Variants in STXBP5L observed in about 807,000 individuals in gnomAD.
STXBP5L encodes syntaxin-binding protein 5-like.
STXBP5L carries 65 observed loss-of-function variants against 144.5 expected under a neutral mutation model. The observed-to-expected ratio is 0.45, with a 90% CI of 0.37 to 0.55. The LOEUF is 0.55. Ranked by LOEUF, STXBP5L falls within the 20% of genes least tolerant of loss-of-function variation. STXBP5L has a pLI of 0.00. For synonymous variants in STXBP5L, 505 were observed against 469.6 expected (o/e 1.08, Z -0.97); for missense variants, 1,298 against 1,405.5 (o/e 0.92, Z 1.22).
intron 22 of STXBP5L, among the ~76,000 whole-genome samples, chr3:121,388,326 A>C (rs2046482036): frequency 1.3e-5 from 2 of 152,208 alleles, no homozygotes; most frequent in Admixed American, 1.3e-4. Context: ...CTAAATATAC[A>C]ATCATGTCAT....
intron 3 of STXBP5L, among the ~76,000 whole-genome samples, chr3:120,996,677 T>A (rs1943374911): frequency 6.6e-6 from 1 of 152,194 alleles, no homozygotes; most frequent in Non-Finnish European, 1.5e-5. Flanking sequence ...TCAACTTTTT[T>A]AGATTTCACA....
chr3:121,013,438 A>G lies in STXBP5L; in HGVS notation c.288-28262A>G, dbSNP rs148507449. ...TGTGGTTTTAATTTGCATCTTTCTG[A>G]TGATTAGTGATGTTGAGCATTTTTT... On this transcript the variant is annotated intron_variant, in intron 3 of 26. Coordinates refer to ENST00000471454, the MANE Select transcript of STXBP5L (RefSeq NM_001308330.2). Among the ~76,000 whole-genome samples the G allele has an allele frequency of 3.1e-3, 464 of 152,076 alleles. 3 individuals carry two copies. The highest frequency in any genetic ancestry group is 0.01 in the African/African-American group (433 of 41,538).
At chr3:121,355,987 G>C (rs1022426435) in intron 20 of STXBP5L, among the ~76,000 whole-genome samples, 1 of 152,206 alleles carries the variant, frequency 6.6e-6, no homozygotes, top group African/African-American at 2.4e-5. Context: ...AGGCCCACTC[G>C]AGACCCTGTT....
At chr3:121,029,688 A>G (rs1026790233) in intron 3 of STXBP5L, among the ~76,000 whole-genome samples, 1 of 152,160 alleles carries the variant, frequency 6.6e-6, no homozygotes, top group Admixed American at 6.5e-5. Flanking sequence ...AATGGGATCT[A>G]ATTAAACTAA....
At chr3:120,973,910 A>G (rs1274403419) in intron 3 of STXBP5L, among the ~76,000 whole-genome samples, 2 of 152,180 alleles carry the variant, frequency 1.3e-5, no homozygotes, top group African/African-American at 4.8e-5. Context: ...CATGGTGTAT[A>G]TATGCCACAT....
intron 22 of STXBP5L, among the ~76,000 whole-genome samples, chr3:121,386,354 G>A (rs2046425489): frequency 6.6e-6 from 1 of 152,084 alleles, no homozygotes; most frequent in African/African-American, 2.4e-5. Context: ...TAGGATAACA[G>A]CCTCCAGCTG....
intron 3 of STXBP5L, among the ~76,000 whole-genome samples, chr3:121,036,537 A>G (rs910679101): frequency 6.6e-5 from 10 of 152,168 alleles, no homozygotes; most frequent in African/African-American, 1.4e-4. Flanking sequence ...AGAAATAATG[A>G]TAGATGATTC....
chr3:121,204,400 T>G (rs2048257038), intron 9 of STXBP5L, among the ~76,000 whole-genome samples: 1 of 152,178 alleles, frequency 6.6e-6, no homozygotes, highest in African/African-American at 2.4e-5. Flanking sequence ...ATTATTTTTT[T>G]CTTCTTTAGT....
At chr3:120,962,561 A>C (rs1055010150) in intron 3 of STXBP5L, among the ~76,000 whole-genome samples, 12 of 152,188 alleles carry the variant, frequency 7.9e-5, no homozygotes, top group East Asian at 5.8e-4. Context: ...TGTTTTTGTC[A>C]GATTTGTCAA....
intron 9 of STXBP5L, among the ~76,000 whole-genome samples, chr3:121,181,014 C>G (rs1260447195): frequency 6.6e-6 from 1 of 151,554 alleles, no homozygotes; most frequent in Non-Finnish European, 1.5e-5. Context: ...AACAGTACCT[C>G]ACATCTCAGT....
At chr3:121,258,128 T>A (rs978865479) in intron 17 of STXBP5L, among the ~76,000 whole-genome samples, 1 of 152,174 alleles carries the variant, frequency 6.6e-6, no homozygotes, top group Non-Finnish European at 1.5e-5. Flanking sequence ...ATTTGCATCA[T>A]GTTCAATAAA....
chr3:120,979,561 G>C (rs183646615), intron 3 of STXBP5L, among the ~76,000 whole-genome samples: 21 of 152,222 alleles, frequency 1.4e-4, no homozygotes, highest in African/African-American at 4.8e-4. Context: ...CCACTGTCCT[G>C]CACCCACTGT....
At chr3:121,356,235 C>A (rs2045508916) in intron 20 of STXBP5L, among the ~76,000 whole-genome samples, 1 of 152,252 alleles carries the variant, frequency 6.6e-6, no homozygotes, top group Non-Finnish European at 1.5e-5. Context: ...AGCTATCAGA[C>A]AGGGACATTT....
chr3:121,184,600 G>T lies in STXBP5L; in HGVS notation c.878-21323G>T, dbSNP rs553816340. ...AAATCTACATTTGATTGGTGTACCT[G>T]AAAGTGATGGGGAGAATGGAACCAA... On this transcript the variant is annotated intron_variant, in intron 9 of 26. Coordinates refer to ENST00000471454, the MANE Select transcript of STXBP5L (RefSeq NM_001308330.2). Among the ~76,000 whole-genome samples the T allele has an allele frequency of 4.3e-3, 654 of 152,224 alleles. 6 individuals carry two copies. Among genetic ancestry groups the T allele is most frequent in the African/African-American group, 0.015 (614 of 41,534 alleles).
chr3:121,024,890 C>T (rs1406713384), intron 3 of STXBP5L, among the ~76,000 whole-genome samples: 1 of 152,140 alleles, frequency 6.6e-6, no homozygotes, highest in African/African-American at 2.4e-5. Context: ...CTACTTCTAT[C>T]ATGCCCTGGT....
chr3:121,412,727 C>CAAAAAAAAAAAAA (rs35247157), intron 23 of STXBP5L, among the ~76,000 whole-genome samples: 69 of 69,600 alleles, frequency 9.9e-4, no homozygotes, highest in Non-Finnish European at 1.3e-3. Flanking sequence ...TTTCTCCCTC[C>CAAAAAAAAAAAAA]AAAAAAAAAA....
In STXBP5L at chr3:121,206,904, A is replaced by G. The variant is rs1436208782; in HGVS notation, c.956+903A>G. On this transcript the variant is annotated intron_variant, in intron 10 of 26. Transcript: ENST00000471454. ...AGTGGCAATACACTCATTGAGAATT[A>G]CCATAATAAATCTTGCCTAAACATT... 1.4e-4 allele frequency among the ~76,000 whole-genome samples: 21 copies of G among 152,208 alleles called. 1 individual carries two copies. The highest frequency in any genetic ancestry group is 1.4e-3 in the Admixed American group (21 of 15,276).
chr3:121,414,337 T>C (rs1470833631), intron 24 of STXBP5L, among the ~76,000 whole-genome samples: 1 of 152,138 alleles, frequency 6.6e-6, no homozygotes, highest in African/African-American at 2.4e-5. Flanking sequence ...CCTGGGTTGA[T>C]GGAGCAGAAG....
At chr3:121,401,517 G>A (rs550457484) in intron 22 of STXBP5L, among the ~76,000 whole-genome samples, 2 of 146,156 alleles carry the variant, frequency 1.4e-5, no homozygotes, top group South Asian at 2.3e-4. Context: ...ATGATAGTCT[G>A]GATTAAGAAA....
Sources: allele counts gnomAD v4.1 joint callset (sites outside exome capture counted in the v4.1 genomes callset), GRCh38; gene constraint gnomAD v4.1.1; transcripts MANE v1.5; gene names NCBI Gene and HGNC (gene_info 2026-07-23, HGNC 2026-07-21).